The following ECHDC3 variants were observed in gnomAD, a reference collection of about 807,000 sequenced individuals.
ECHDC3 encodes the protein enoyl-CoA hydratase domain containing 3, also known as enoyl-CoA hydratase domain-containing protein 3, mitochondrial.
ECHDC3 carries 20 observed loss-of-function variants against 17.9 expected under a neutral mutation model. The ratio of observed to expected loss-of-function variants is 1.12; its 90% CI spans 0.79 to 1.63. The LOEUF is 1.63. Ranked by LOEUF, ECHDC3 falls within the 40% of genes most tolerant of loss-of-function variation. The pLI, the probability that ECHDC3 is intolerant of heterozygous loss-of-function variation, is 0.00. For missense variants in ECHDC3, 407 were observed against 357.7 expected, an observed-to-expected ratio of 1.14 and a Z score of -1.11; for synonymous variants, 177 against 149.7, an observed-to-expected ratio of 1.18 and a Z score of -1.33.
intron 4 of ECHDC3, among the ~76,000 whole-genome samples, chr10:11,757,413 C>G (rs1453456448): frequency 6.6e-6 from 1 of 152,112 alleles, no homozygotes; most frequent in Non-Finnish European, 1.5e-5. Context: ...CCTTAAGTTC[C>G]AAGGAAGCCC....
At position 11,763,495 on chromosome 10, in the gene ECHDC3, C is replaced by T. The variant is rs150874466; in HGVS notation, c.863C>T (p.Thr288Met). The T allele has an allele frequency of 6.1e-4, 782 of 1,287,616 alleles. 5 individuals are homozygous for T. The highest frequency in any genetic ancestry group is 4.4e-3 in the Middle Eastern group (24 of 5,470). 79.8% of individuals were successfully genotyped at this position (1,287,616 alleles called of 1,614,324 possible). ...CTGCGGGACGGGCAGGAGGGCATCA[C>T]GGCCTTCCTCCAGAAGAGAAAACCT... is the stretch of plus-strand genomic sequence containing the variant. ...LALRDGQEGITAFLQKRKPVW... is the reference protein window; with the variant it reads ...LALRDGQEGIMAFLQKRKPVW... The change falls in exon 5 of 5, where the codon ACG (threonine) becomes ATG (methionine). Residue 288 changes from threonine to methionine, a missense_variant. Thr to Met is a moderately conservative substitution (Grantham distance 81, BLOSUM62 -1). Transcript: ENST00000379215. This position sits in a 1 kb window ranked among gnomAD's most constrained non-coding sequence, Gnocchi z 4.9.
At position 11,755,401 on chromosome 10, in the gene ECHDC3, C is replaced by A. The variant is rs779691973; in HGVS notation, c.391-7C>A. Reference sequence around the variant, plus strand: ...GTGGAAATGAAGTAGGTGTGTTTGTCCCGCAGGTCATGATGCACATCCGGA... The same window carrying A: ...GTGGAAATGAAGTAGGTGTGTTTGTACCGCAGGTCATGATGCACATCCGGA... On this transcript the variant is annotated splice_polypyrimidine_tract_variant and splice_region_variant and intron_variant, in intron 3 of 4. Transcript: ENST00000379215. 3 of 1,605,470 alleles carry A rather than the reference C, an allele frequency of 1.9e-6. No individual in the cohort carries two copies. In the South Asian group the frequency reaches 3.3e-5, roughly 18 times the overall value.
At chr10:11,759,631 G>A (rs1336366496) in intron 4 of ECHDC3, among the ~76,000 whole-genome samples, 2 of 152,218 alleles carry the variant, frequency 1.3e-5, no homozygotes, top group East Asian at 1.9e-4. Flanking sequence ...GGGGCATGAC[G>A]TGGGGAGAGT....
intron 4 of ECHDC3, among the ~76,000 whole-genome samples, chr10:11,760,212 C>T (rs1014867993): frequency 6.6e-6 from 1 of 152,166 alleles, no homozygotes; most frequent in South Asian, 2.1e-4. Flanking sequence ...CATTTGTACC[C>T]GAGCGTGCTG....
chr10:11,760,513 C>T (rs1416485744), intron 4 of ECHDC3, among the ~76,000 whole-genome samples: 3 of 152,224 alleles, frequency 2.0e-5, no homozygotes, highest in Admixed American at 1.3e-4. Flanking sequence ...CCATTCTTAA[C>T]GACTCTGAGA....
chr10:11,763,432 A>T lies in ECHDC3; in HGVS notation c.800A>T (p.Tyr267Phe). The T allele has an allele frequency of 2.4e-6, 2 of 832,736 alleles. No individual in the cohort carries two copies. Among genetic ancestry groups the T allele is most frequent in the African/African-American group, 1.7e-5 (1 of 60,420 alleles). 51.6% of individuals were successfully genotyped at this position (832,736 alleles called of 1,614,324 possible). A position where few individuals can be genotyped will look rare whatever the true frequency, so the allele number is the denominator to read the frequency against. Reference protein sequence around the residue: ...KQLPQDLGTAYYLTSQAMVDN... With the variant: ...KQLPQDLGTAFYLTSQAMVDN... ...CTGCCCCAGGACCTGGGGACGGCTT[A>T]CTACCTCACCTCCCAGGCCATGGTG... The change falls in exon 5 of 5, where the codon TAC (tyrosine) becomes TTC (phenylalanine). Residue 267 changes from tyrosine to phenylalanine, a missense_variant. Transcript: ENST00000379215. The surrounding 1 kb of genome is among the most constrained non-coding windows in gnomAD (Gnocchi z 4.9).
Position 11,742,698 on chromosome 10 carries a change from G to A in ECHDC3, c.122G>A (p.Arg41Gln). ...CSRDPAGAGR[R>Q]ESEPRPTSAR... The stretch of plus-strand genomic sequence containing the variant: ...CGGGACCCGGCCGGGGCGGGGCGGC[G>A]GGAGTCGGAGCCGCGGCCCACCAGC... The change falls in exon 1 of 5, where the codon CGG (arginine) becomes CAG (glutamine). Residue 41 changes from arginine to glutamine, a missense_variant. Physicochemically the swap from Arg to Gln is conservative, Grantham distance 43 (BLOSUM62 1). Coordinates refer to ENST00000379215, the MANE Select transcript of ECHDC3 (RefSeq NM_024693.5). 8.1e-7 allele frequency: 1 copy of A among 1,242,058 alleles called. No individual in the cohort carries two copies. Among genetic ancestry groups the A allele is most frequent in the Non-Finnish European group, 1.0e-6 (1 of 994,066 alleles). The allele number at this position is 1,242,058 out of a possible 1,614,324, so 76.9% of individuals were successfully genotyped here.
intron 4 of ECHDC3, among the ~76,000 whole-genome samples, chr10:11,760,817 G>C (rs548146015): frequency 1.3e-5 from 2 of 152,262 alleles, no homozygotes; most frequent in Admixed American, 1.3e-4. Context: ...TCTTCAGCAG[G>C]GTCCTATTTC....
intron 4 of ECHDC3, among the ~76,000 whole-genome samples, chr10:11,762,683 C>T (rs1035628411): frequency 6.6e-6 from 1 of 152,192 alleles, no homozygotes; most frequent in African/African-American, 2.4e-5. Flanking sequence ...CACATCTTAC[C>T]GATTGGTGAG....
In ECHDC3 at chr10:11,763,449, G is replaced by C; in HGVS notation, c.817G>C (p.Ala273Pro). The C allele has an allele frequency of 5.5e-6, 5 of 906,146 alleles. No individual in the cohort carries two copies. The highest frequency in any genetic ancestry group is 9.2e-6 in the Non-Finnish European group (5 of 544,186). The allele number at this position is 906,146 out of a possible 1,614,324, so 56.1% of individuals were successfully genotyped here. Residue 273 changes from alanine (A) to proline (P), a missense_variant, in exon 5 of 5, where the codon GCC (alanine) becomes CCC (proline). Physicochemically the swap from Ala to Pro is conservative, Grantham distance 27. Transcript: ENST00000379215. The surrounding 1 kb of genome is among the most constrained non-coding windows in gnomAD (Gnocchi z 4.9). Reference sequence around the variant, plus strand: ...GACGGCTTACTACCTCACCTCCCAGGCCATGGTGGACAACCTGGCCCTGCG... The same window carrying C: ...GACGGCTTACTACCTCACCTCCCAGCCCATGGTGGACAACCTGGCCCTGCG... ...LGTAYYLTSQ[A>P]MVDNLALRDG... is the part of the protein sequence containing the mutation.
chr10:11,748,990 T>C (rs963172143), intron 2 of ECHDC3, among the ~76,000 whole-genome samples: 8 of 152,244 alleles, frequency 5.3e-5, no homozygotes. Flanking sequence ...AGCCACATCT[T>C]ATGATCCCTC....
intron 3 of ECHDC3, among the ~76,000 whole-genome samples, chr10:11,753,310 G>A (rs998378423): frequency 1.3e-5 from 2 of 152,152 alleles, no homozygotes; most frequent in Non-Finnish European, 2.9e-5. Flanking sequence ...TTGAACCCGG[G>A]AGGCGGAGGT....
At chr10:11,743,352 G>A (rs1237804787) in intron 1 of ECHDC3, among the ~76,000 whole-genome samples, 1 of 152,160 alleles carries the variant, frequency 6.6e-6, no homozygotes, top group Non-Finnish European at 1.5e-5. Flanking sequence ...TAAATAAAAC[G>A]TCGTCTTCTC....
chr10:11,760,555 A>C (rs1832937080), intron 4 of ECHDC3, among the ~76,000 whole-genome samples: 1 of 152,190 alleles, frequency 6.6e-6, no homozygotes. Context: ...GCAAGTGACA[A>C]AGGGATCGAT....
rs1832710253 is a variant in ECHDC3 at position 11,742,754 on chromosome 10, C to T, written c.170+8C>T. 41 of 1,227,140 alleles carry T rather than the reference C, an allele frequency of 3.3e-5. No homozygotes were observed. The highest frequency in any genetic ancestry group is 4.0e-5 in the Non-Finnish European group (39 of 984,726). The allele number at this position is 1,227,140 out of a possible 1,614,324, so 76.0% of individuals were successfully genotyped here. On this transcript the variant is annotated splice_region_variant and intron_variant, in intron 1 of 4. Coordinates refer to ENST00000379215, the MANE Select transcript of ECHDC3 (RefSeq NM_024693.5). The stretch of plus-strand genomic sequence containing the variant: ...GCAGCTGGACGGCATAAGGTCAGCC[C>T]CGGGCCGCGCGGGCTCCTCGCGTTG...
Position 11,763,744 on chromosome 10 carries a change from T to G in ECHDC3, c.*200T>G, listed in dbSNP as rs1832981091. On this transcript the variant is annotated 3_prime_UTR_variant, in exon 5 of 5. Coordinates refer to ENST00000379215, the MANE Select transcript of ECHDC3 (RefSeq NM_024693.5). The surrounding 1 kb of genome is among the most constrained non-coding windows in gnomAD (Gnocchi z 4.9). Reference sequence around the variant, plus strand: ...ATGGAGAGTGACTGAGGTGCTGACCTCAGTGCAAGGCTGGTGAACCCTGCA... The same window carrying G: ...ATGGAGAGTGACTGAGGTGCTGACCGCAGTGCAAGGCTGGTGAACCCTGCA... 2.2e-6 allele frequency: 3 copies of G among 1,389,330 alleles called. No individual in the cohort carries two copies. The highest frequency in any genetic ancestry group is 3.1e-5 in the Admixed American group (1 of 31,904). The allele number at this position is 1,389,330 out of a possible 1,614,324, so 86.1% of individuals were successfully genotyped here.
chr10:11,763,316 G>C lies in ECHDC3; in HGVS notation c.684G>C (p.Glu228Asp). The C allele has an allele frequency of 2.6e-6, 2 of 780,248 alleles. No individual in the cohort carries two copies. Among genetic ancestry groups the C allele is most frequent in the Non-Finnish European group, 2.4e-6 (1 of 418,140 alleles). 48.3% of individuals were successfully genotyped at this position (780,248 alleles called of 1,614,324 possible). A position where few individuals can be genotyped will look rare whatever the true frequency, so the allele number is the denominator to read the frequency against. The change falls in exon 5 of 5, where the codon GAG (glutamate) becomes GAC (aspartate). Residue 228 changes from glutamate to aspartate, a missense_variant. By Grantham distance (45) the Glu-to-Asp change is conservative. Transcript: ENST00000379215. The surrounding 1 kb of genome is among the most constrained non-coding windows in gnomAD (Gnocchi z 4.9). ...TTAGCAAGGTGGTGCCAGAGGCGGA[G>C]CTGCAGGAGGAGACCATGCGGATCG... ...GLLSKVVPEAELQEETMRIAR... is the reference protein window; with the variant it reads ...GLLSKVVPEADLQEETMRIAR...
intron 4 of ECHDC3, 126 bp downstream of exon 4, chr10:11,755,734 T>A: frequency 1.1e-6 from 1 of 918,742 alleles, no homozygotes; most frequent in Non-Finnish European, 1.6e-6. Context: ...CTGCCCAGAG[T>A]GCCTCTGGCT....
intron 4 of ECHDC3, among the ~76,000 whole-genome samples, chr10:11,760,602 T>C (rs1832937700): frequency 6.6e-6 from 1 of 152,228 alleles, no homozygotes; most frequent in South Asian, 2.1e-4. Context: ...TTTTTTCTTG[T>C]TGCATCAGTT....
Sources: allele counts gnomAD v4.1 joint callset (sites outside exome capture counted in the v4.1 genomes callset), GRCh38; gene constraint gnomAD v4.1.1; non-coding constraint Gnocchi (gnomAD v3.1); transcripts MANE v1.5; gene names NCBI Gene and HGNC (gene_info 2026-07-23, HGNC 2026-07-21).